ZNF644: variants seen among roughly 807,000 people sequenced by gnomAD.
ZNF644 encodes the protein zinc finger protein 644, also known as zinc finger motif enhancer binding protein 2.
A neutral mutation model predicts 108.0 loss-of-function variants in ZNF644; 20 were observed. The observed-to-expected ratio is 0.19, with a 90% CI of 0.13 to 0.27. The LOEUF (loss-of-function observed/expected upper bound fraction) is 0.27, where lower values mean the gene tolerates loss of function less well. Ranked by LOEUF, ZNF644 falls within the 10% of genes least tolerant of loss-of-function variation. The pLI is 1.00. For synonymous variants in ZNF644, 542 were observed against 539.1 expected, an observed-to-expected ratio of 1.01 and a Z score of -0.08; for missense variants, 1,338 against 1,548.9, an observed-to-expected ratio of 0.86 and a Z score of 2.29.
Position 90,989,760 on chromosome 1 carries a change from T to C in ZNF644, c.-17-7390A>G, listed in dbSNP as rs1453470536. 2.0e-5 allele frequency among the ~76,000 whole-genome samples: 3 copies of C among 152,138 alleles called. 1 individual carries two copies. In the South Asian group the frequency reaches 6.2e-4, roughly 32 times the overall value. On this transcript the variant is annotated intron_variant, in intron 1 of 5. Coordinates refer to ENST00000337393, the MANE Select transcript of ZNF644 (RefSeq NM_201269.3). Reference sequence around the variant, plus strand: ...GCAGCCATTATGAAAAACATGACAGTTCCTCAAAAAATTTCAAGTTAAATT... The same window carrying C: ...GCAGCCATTATGAAAAACATGACAGCTCCTCAAAAAATTTCAAGTTAAATT...
At chr1:90,917,367 G>A (rs1165305785) in intron 5 of ZNF644, among the ~76,000 whole-genome samples, 1 of 152,184 alleles carries the variant, frequency 6.6e-6, no homozygotes, top group East Asian at 1.9e-4. Flanking sequence ...GTGTGTGAGT[G>A]TGAGTACGGA....
intron 4 of ZNF644, among the ~76,000 whole-genome samples, chr1:90,930,080 A>G (rs1431777559): frequency 6.6e-6 from 1 of 152,238 alleles, no homozygotes; most frequent in Admixed American, 6.5e-5. Flanking sequence ...TAAAGTCAGG[A>G]GTTCGAGACC....
intron 4 of ZNF644, among the ~76,000 whole-genome samples, chr1:90,933,615 G>T (rs1449618725): frequency 2.6e-5 from 4 of 152,096 alleles, no homozygotes; most frequent in African/African-American, 9.7e-5. Context: ...AGTGAGCCGA[G>T]ATCGCGCCAC....
At chr1:90,953,817 G>A (rs1653449151) in intron 2 of ZNF644, among the ~76,000 whole-genome samples, 1 of 152,128 alleles carries the variant, frequency 6.6e-6, no homozygotes, top group South Asian at 2.1e-4. Flanking sequence ...TTGGGAGGCT[G>A]AGGCAGGAGA....
In ZNF644 at chr1:90,937,795, T is replaced by C; in HGVS notation, c.3378A>G (p.Glu1126=). ...CAGTCTTTAGGCCATTACGGTATGC[T>C]TCAAGAGGTATAACATTTTGAGATA... The part of the protein sequence containing the change: ...DFISQNVIPL[E]AYRNGLKTEA... Residue 1126 remains glutamate, a synonymous_variant, in exon 4 of 6, where the codon GAA becomes GAG. Transcript: ENST00000337393. 1 of 1,613,922 alleles carries C rather than the reference T, an allele frequency of 6.2e-7. No homozygotes were observed. Among genetic ancestry groups the C allele is most frequent in the Non-Finnish European group, 8.5e-7 (1 of 1,179,890 alleles).
At position 90,940,241 on chromosome 1, in the gene ZNF644, T is replaced by C. The variant is rs1206073561; in HGVS notation, c.1113A>G (p.Gly371=). 3 of 1,614,032 alleles carry C rather than the reference T, an allele frequency of 1.9e-6. No homozygotes were observed. The highest frequency in any genetic ancestry group is 2.2e-5 in the East Asian group (1 of 44,870). The change falls in exon 3 of 6, where the codon GGA becomes GGG. Residue 371 remains glycine, a synonymous_variant. Transcript: ENST00000337393. ...QHLIYNPDKC[G]EESSPVHTST... ...TAGTATGAACAGGTGAACTCTCTTC[T>C]CCACACTTATCTGGGTTATAAATTA...
chr1:90,965,888 T>G (rs1287863276), intron 2 of ZNF644, among the ~76,000 whole-genome samples: 1 of 152,134 alleles, frequency 6.6e-6, no homozygotes. Context: ...TATCTGGGAT[T>G]ACAGGCGCCA....
At chr1:90,970,843 T>C (rs1005149816) in intron 2 of ZNF644, among the ~76,000 whole-genome samples, 4 of 151,666 alleles carry the variant, frequency 2.6e-5, no homozygotes, top group Admixed American at 6.6e-5. Context: ...CTACTAAAAA[T>C]ACAAAAATTA....
chr1:90,941,143 T>C lies in ZNF644; in HGVS notation c.211A>G (p.Thr71Ala). ...DCQTSFQKNNTLTLPEELSKD... is the reference protein window; with the variant it reads ...DCQTSFQKNNALTLPEELSKD... ...GACAGTTCTTCAGGCAGAGTCAACGTATTATTTTTCTGAAATGATGTTTGA... is the reference window on the plus strand; with the variant it reads ...GACAGTTCTTCAGGCAGAGTCAACGCATTATTTTTCTGAAATGATGTTTGA... Residue 71 changes from threonine (T) to alanine (A), a missense_variant, in exon 3 of 6, where the codon ACG becomes GCG. This residue lies in a region of ZNF644 where 464 missense variants were observed against 457.9 expected (regional missense o/e 1.01). Coordinates refer to ENST00000337393, the MANE Select transcript of ZNF644 (RefSeq NM_201269.3). The C allele has an allele frequency of 6.2e-7, 1 of 1,613,582 alleles. No individual in the cohort carries two copies. The highest frequency in any genetic ancestry group is 8.5e-7 in the Non-Finnish European group (1 of 1,179,836).
chr1:90,999,057 CTACGCCTGATTGGTG>C (rs1658479632), intron 1 of ZNF644, among the ~76,000 whole-genome samples: 3 of 152,210 alleles, frequency 2.0e-5, no homozygotes, highest in African/African-American at 7.2e-5. Flanking sequence ...AAGACCAAAT[CTACGCCTGATTGGTG>C]TACCTTAAAG....
intron 2 of ZNF644, among the ~76,000 whole-genome samples, chr1:90,971,916 T>C (rs12563598): frequency 0.16 from 23,954 of 152,138 alleles, 2,172 homozygotes; most frequent in Middle Eastern, 0.28. Flanking sequence ...TCATTATTCT[T>C]ATATTCTTAT....
chr1:90,985,770 C>T (rs1657029573), intron 1 of ZNF644, among the ~76,000 whole-genome samples: 1 of 152,156 alleles, frequency 6.6e-6, no homozygotes, highest in South Asian at 2.1e-4. Flanking sequence ...CATGGACATG[C>T]AGATACCTCT....
At chr1:90,998,889 T>C (rs1386079937) in intron 1 of ZNF644, among the ~76,000 whole-genome samples, 1 of 152,126 alleles carries the variant, frequency 6.6e-6, no homozygotes, top group Non-Finnish European at 1.5e-5. Flanking sequence ...GCACGAGAAC[T>C]ACGTGATGAA....
intron 4 of ZNF644, among the ~76,000 whole-genome samples, chr1:90,932,156 A>AT (rs1557555659): frequency 1.3e-5 from 2 of 152,186 alleles, no homozygotes; most frequent in Admixed American, 1.3e-4. Flanking sequence ...TGAAGAGATT[A>AT]TAAGTTAGAA....
chr1:90,924,659 T>C (rs924244203), intron 4 of ZNF644, among the ~76,000 whole-genome samples: 7 of 152,170 alleles, frequency 4.6e-5, no homozygotes, highest in African/African-American at 1.7e-4. Flanking sequence ...TCGCAATGGA[T>C]CTGATTTGGC....
At chr1:90,981,929 T>A (rs1656590669) in intron 2 of ZNF644, among the ~76,000 whole-genome samples, 1 of 152,090 alleles carries the variant, frequency 6.6e-6, no homozygotes, top group Non-Finnish European at 1.5e-5. Context: ...TGACTATTCA[T>A]ATACTTTATC....
chr1:90,959,338 T>C (rs1654090366), intron 2 of ZNF644, among the ~76,000 whole-genome samples: 1 of 152,202 alleles, frequency 6.6e-6, no homozygotes, highest in African/African-American at 2.4e-5. Flanking sequence ...ATAATAAGTT[T>C]GGCAGTTCCT....
At chr1:90,998,287 G>GGCA (rs938805171) in intron 1 of ZNF644, among the ~76,000 whole-genome samples, 9 of 152,228 alleles carry the variant, frequency 5.9e-5, no homozygotes, top group African/African-American at 2.2e-4. Context: ...CTAACTGGGA[G>GGCA]GCACCCACCA....
At chr1:90,997,069 G>A (rs1267202411) in intron 1 of ZNF644, among the ~76,000 whole-genome samples, 1 of 152,154 alleles carries the variant, frequency 6.6e-6, no homozygotes, top group Non-Finnish European at 1.5e-5. Context: ...AACAGCTGAG[G>A]CAAACAATAG....
Sources: allele counts gnomAD v4.1 joint callset (sites outside exome capture counted in the v4.1 genomes callset), GRCh38; gene constraint gnomAD v4.1.1; regional missense constraint gnomAD v4.1.1; transcripts MANE v1.5; gene names NCBI Gene and HGNC (gene_info 2026-07-23, HGNC 2026-07-21).